ARHGEF1: variants seen among roughly 807,000 people sequenced by gnomAD.
ARHGEF1 encodes 115 kDa guanine nucleotide exchange factor.
Under a neutral mutation model 119.7 loss-of-function variants are expected in ARHGEF1, and 40 were observed. That is an observed-to-expected ratio of 0.33 (90% CI 0.26 to 0.44). The LOEUF is 0.44. Ranked by LOEUF, ARHGEF1 falls within the 20% of genes least tolerant of loss-of-function variation. ARHGEF1 has a pLI of 1.00. For missense variants in ARHGEF1, 976 were observed against 1,268.3 expected (o/e 0.77, Z 3.50); for synonymous variants, 494 against 521.0 (o/e 0.95, Z 0.71).
intron 1 of ARHGEF1, among the ~76,000 whole-genome samples, chr19:41,885,453 GTT>G (rs587720537): frequency 8.1e-6 from 1 of 123,024 alleles, no homozygotes; most frequent in East Asian, 2.4e-4. Flanking sequence ...GTTTTATTTT[GTT>G]TTATTTATTT....
At chr19:41,912,586 C>T (rs1029655557) in intron 18 of ARHGEF1, among the ~76,000 whole-genome samples, 21 of 152,334 alleles carry the variant, frequency 1.4e-4, no homozygotes, top group African/African-American at 4.6e-4. Context: ...GGGCCTCGGG[C>T]CCCTCCGTCC....
At chr19:41,898,134 C>A in intron 13 of ARHGEF1, 2 of 1,401,118 alleles carry the variant, frequency 1.4e-6, no homozygotes, top group Non-Finnish European at 1.8e-6. Context: ...CCTCTCCCTT[C>A]CCCCATCCAC....
At position 41,903,750 on chromosome 19, in the gene ARHGEF1, G is replaced by A. The variant is rs2074642954; in HGVS notation, c.1883G>A (p.Arg628Gln). The change falls in exon 20 of 29, where the codon CGG (arginine) becomes CAG (glutamine). Residue 628 changes from arginine (R) to glutamine (Q), a missense_variant. Coordinates refer to ENST00000354532, the MANE Select transcript of ARHGEF1 (RefSeq NM_004706.4). This position sits in a 1 kb window ranked among gnomAD's most constrained non-coding sequence, Gnocchi z 4.2. The part of the protein sequence containing the change: ...YQRRLDLSHL[R>Q]QSSDPMLSEF... Reference sequence around the variant, plus strand: ...CGGCGCCTGGACTTGTCCCACCTTCGGCAGAGCAGCGACCCTATGCTGAGC... The same window carrying A: ...CGGCGCCTGGACTTGTCCCACCTTCAGCAGAGCAGCGACCCTATGCTGAGC... The A allele has an allele frequency of 1.2e-6, 2 of 1,613,026 alleles. No individual in the cohort carries two copies. The highest frequency in any genetic ancestry group is 1.7e-6 in the Non-Finnish European group (2 of 1,179,980).
intron 1 of ARHGEF1, among the ~76,000 whole-genome samples, chr19:41,927,710 G>C (rs1357912695): frequency 3.9e-5 from 6 of 151,944 alleles, no homozygotes; most frequent in African/African-American, 1.5e-4. Context: ...CCTTCAGGTC[G>C]GCCACCAACC....
At chr19:41,896,697 C>G (rs918373845) in intron 13 of ARHGEF1, 1 of 694,764 alleles carries the variant, frequency 1.4e-6, no homozygotes. Context: ...TTTATCCTTC[C>G]TTTTTCCTCT....
Position 41,902,015 on chromosome 19 carries a change from G to A in ARHGEF1, c.1396G>A (p.Glu466Lys), listed in dbSNP as rs1555849111. ...ELQNIFPSLDELIEVHSLFLD... is the reference protein window; with the variant it reads ...ELQNIFPSLDKLIEVHSLFLD... ...GCAGAACATCTTCCCCAGCCTGGAC[G>A]AGCTCATCGAGGTGCATTGTGAGTG... The change falls in exon 15 of 29, where the codon GAG becomes AAG. Residue 466 changes from glutamate (E) to lysine (K), a missense_variant. Glu to Lys is a moderately conservative substitution (Grantham distance 56). Coordinates refer to ENST00000354532, the MANE Select transcript of ARHGEF1 (RefSeq NM_004706.4). The surrounding 1 kb of genome is among the most constrained non-coding windows in gnomAD (Gnocchi z 6.5). 4.3e-6 allele frequency: 7 copies of A among 1,613,966 alleles called. No homozygotes were observed. The highest frequency in any genetic ancestry group is 5.1e-6 in the Non-Finnish European group (6 of 1,179,946).
chr19:41,913,061 G>A (rs1555851397), intron 18 of ARHGEF1: 3 of 403,082 alleles, frequency 7.4e-6, no homozygotes, highest in Admixed American at 4.4e-5. Context: ...CCCTCTCCCC[G>A]CAATCCCTCC....
upstream of ARHGEF1, among the ~76,000 whole-genome samples, chr19:41,920,246 C>T (rs1279792289): frequency 5.1e-5 from 6 of 117,016 alleles, no homozygotes; most frequent in Non-Finnish European, 8.4e-5. Context: ...CGTGCTCAGA[C>T]GTGAGGCACA....
downstream of ARHGEF1, among the ~76,000 whole-genome samples, chr19:41,911,816 G>C (rs746052959): frequency 3.9e-5 from 6 of 152,070 alleles, no homozygotes; most frequent in Non-Finnish European, 7.4e-5. Context: ...CAAATATGTT[G>C]TACCTATGAG....
intron 28 of ARHGEF1, 76 bp from the exon 29 acceptor site, chr19:41,907,029 T>G (rs1381940162): frequency 7.4e-7 from 1 of 1,346,818 alleles, no homozygotes; most frequent in African/African-American, 1.5e-5. Context: ...GCTCTCCCTG[T>G]CTTGTCTCTG....
At chr19:41,907,739 C>T (rs2074724524), downstream of ARHGEF1, 1 of 221,922 alleles carries the variant, frequency 4.5e-6, no homozygotes, top group South Asian at 1.1e-4. Context: ...GTAGTAAACT[C>T]TCTGGAGGTG....
rs1412302466 is a variant in ARHGEF1, at chr19:41,906,417, C to T, written c.2492-40C>T. On this transcript the variant is annotated intron_variant, in intron 26 of 28. Transcript: ENST00000354532. The surrounding 1 kb of genome is among the most constrained non-coding windows in gnomAD (Gnocchi z 4.5). ...CCCCATCCCAGATCCCAGCCCAGCCCCCTGGTCTCCTGACTCCACCCCTCC... is the reference window on the plus strand; with the variant it reads ...CCCCATCCCAGATCCCAGCCCAGCCTCCTGGTCTCCTGACTCCACCCCTCC... The T allele has an allele frequency of 2.0e-6, 3 of 1,521,608 alleles. No individual in the cohort carries two copies. Among genetic ancestry groups the T allele is most frequent in the African/African-American group, 2.8e-5 (2 of 71,422 alleles). 94.3% of individuals were successfully genotyped at this position (1,521,608 alleles called of 1,614,324 possible). A position where few individuals can be genotyped will look rare whatever the true frequency, so the allele number is the denominator to read the frequency against.
Position 41,903,973 on chromosome 19 carries a change from T to G in ARHGEF1, c.1918-62T>G. ...CCCGGCCACTGCCCTGCCCTTCCCC[T>G]CCCCACCAACCCCAATCACCCCCTG... On this transcript the variant is annotated intron_variant, in intron 20 of 28. Coordinates refer to ENST00000354532, the MANE Select transcript of ARHGEF1 (RefSeq NM_004706.4). This position sits in a 1 kb window ranked among gnomAD's most constrained non-coding sequence, Gnocchi z 4.2. 5.3e-6 allele frequency: 7 copies of G among 1,311,442 alleles called. No homozygotes were observed. The highest frequency in any genetic ancestry group is 1.5e-5 in the African/African-American group (1 of 67,604). 81.2% of individuals were successfully genotyped at this position (1,311,442 alleles called of 1,614,324 possible).
intron 4 of ARHGEF1, among the ~76,000 whole-genome samples, chr19:41,891,517 CAT>C (rs2123400614): frequency 6.6e-6 from 1 of 152,308 alleles, no homozygotes; most frequent in African/African-American, 2.4e-5. Flanking sequence ...TTCCTGACCT[CAT>C]GTGATCCACC....
At chr19:41,893,395 T>G (rs1599638877) in intron 8 of ARHGEF1, 92 bp downstream of exon 8, 1 of 540,392 alleles carries the variant, frequency 1.9e-6, no homozygotes, top group Non-Finnish European at 2.4e-6. Flanking sequence ...AGGAGGAGGC[T>G]GGGGGGCCTG....
At chr19:41,884,344 G>T in intron 1 of ARHGEF1, 1 of 1,406,730 alleles carries the variant, frequency 7.1e-7, no homozygotes, top group Non-Finnish European at 9.7e-7. Context: ...AGCCGGGCTA[G>T]AGCGGCTGGC....
Position 41,897,821 on chromosome 19 carries a change from C to T in ARHGEF1, c.1122-621C>T, listed in dbSNP as rs1599650552. ...GCCCTGGCCTCTCCCCACCTCTGTC[C>T]CTGCCCTGGTCTCTCCCCGTCTCTG... On this transcript the variant is annotated intron_variant, in intron 13 of 28. Coordinates refer to ENST00000354532, the MANE Select transcript of ARHGEF1 (RefSeq NM_004706.4). The T allele has an allele frequency of 4.7e-6, 5 of 1,053,326 alleles. No individual in the cohort carries two copies. In the East Asian group the frequency reaches 1.3e-4, roughly 26 times the overall value. 65.2% of individuals were successfully genotyped at this position (1,053,326 alleles called of 1,614,324 possible).
intron 13 of ARHGEF1, chr19:41,897,398 C>T: frequency 9.0e-7 from 1 of 1,116,452 alleles, no homozygotes; most frequent in Non-Finnish European, 1.1e-6. Flanking sequence ...CCCCTCTCCC[C>T]ATGGCCACTC....
Position 41,894,240 on chromosome 19 carries a change from G to A in ARHGEF1, c.678G>A (p.Met226Ile), listed in dbSNP as rs1555847007. ...TGGTCAACGCCATTGGCCTGTACAT[G>A]CGCCACCTTGGGGTGCGGACCAAGA... Reference protein sequence around the residue: ...AAVVNAIGLYMRHLGVRTKSG... With the variant: ...AAVVNAIGLYIRHLGVRTKSG... Residue 226 changes from methionine (M) to isoleucine (I), a missense_variant, in exon 9 of 29, where the codon ATG (methionine) becomes ATA (isoleucine). Physicochemically the swap from Met to Ile is conservative, Grantham distance 10. Transcript: ENST00000354532. The A allele has an allele frequency of 6.4e-7, 1 of 1,559,434 alleles. No homozygotes were observed. The highest frequency in any genetic ancestry group is 1.2e-5 in the South Asian group (1 of 84,398).
Sources: gnomAD v4.1 joint callset for allele counts (sites outside exome capture counted in the v4.1 genomes callset) on GRCh38, gnomAD v4.1.1 for gene constraint, Gnocchi (gnomAD v3.1) non-coding constraint, MANE v1.5 for transcripts, NCBI Gene and HGNC (gene_info 2026-07-23, HGNC 2026-07-21) for gene names.